The following BCL2 variants were observed in gnomAD, a reference collection of about 807,000 sequenced individuals.
BCL2 encodes BCL2 apoptosis regulator.
Under a neutral mutation model 14.2 loss-of-function variants are expected in BCL2, and 1 was observed. The observed-to-expected ratio is 0.07, with a 90% CI of 0.02 to 0.33. The LOEUF is 0.33. Among genes scored for constraint, BCL2 ranks in the 10% least tolerant of loss-of-function variants. The probability of loss-of-function intolerance (pLI) is 0.99; values close to 1 mark genes in which losing one functional copy is unlikely to be tolerated. For missense variants in BCL2, 247 were observed against 305.9 expected, an observed-to-expected ratio of 0.81 and a Z score of 1.44; for synonymous variants, 151 against 137.2, an observed-to-expected ratio of 1.10 and a Z score of -0.70.
intron 2 of BCL2, among the ~76,000 whole-genome samples, chr18:63,310,725 A>G (rs1913289489): frequency 6.6e-6 from 1 of 152,206 alleles, no homozygotes; most frequent in Non-Finnish European, 1.5e-5. Flanking sequence ...ACCCCTCTCC[A>G]TGACCATCAC....
intron 2 of BCL2, among the ~76,000 whole-genome samples, chr18:63,287,716 T>G (rs1397164739): frequency 2.0e-5 from 3 of 151,954 alleles, no homozygotes; most frequent in Admixed American, 6.6e-5. Context: ...CAAGAAGGAA[T>G]GAGAGGTTGA....
chr18:63,152,272 C>A (rs1396647351), intron 2 of BCL2, among the ~76,000 whole-genome samples: 1 of 152,212 alleles, frequency 6.6e-6, no homozygotes, highest in African/African-American at 2.4e-5. Context: ...CACCAATGTG[C>A]TGCTCTGGGA....
At chr18:63,279,312 G>T (rs1024069706) in intron 2 of BCL2, among the ~76,000 whole-genome samples, 1 of 152,194 alleles carries the variant, frequency 6.6e-6, no homozygotes, top group African/African-American at 2.4e-5. Context: ...AGGATGCATA[G>T]CCAGAAGCTG....
intron 2 of BCL2, among the ~76,000 whole-genome samples, chr18:63,155,651 C>A (rs1287779730): frequency 6.6e-6 from 1 of 152,140 alleles, no homozygotes. Context: ...GACGTTAGAG[C>A]GAGCAGGTGA....
At chr18:63,302,722 G>A (rs1299327606) in intron 2 of BCL2, 1 of 985,362 alleles carries the variant, frequency 1.0e-6, no homozygotes, top group Non-Finnish European at 1.2e-6. Context: ...GGGAAAAAGA[G>A]GTTTAGTAAG....
At chr18:63,153,672 G>C (rs946599369) in intron 2 of BCL2, among the ~76,000 whole-genome samples, 1 of 152,190 alleles carries the variant, frequency 6.6e-6, no homozygotes, top group Non-Finnish European at 1.5e-5. Flanking sequence ...CGTCAGGGCA[G>C]AGCGGCCAGC....
chr18:63,129,993 A>T (rs1914022769), intron 2 of BCL2, among the ~76,000 whole-genome samples: 2 of 152,206 alleles, frequency 1.3e-5, no homozygotes, highest in Admixed American at 1.3e-4. Flanking sequence ...AGAGACAAAA[A>T]GTGTCTCCCT....
chr18:63,155,789 G>A (rs1008013691), intron 2 of BCL2, among the ~76,000 whole-genome samples: 1 of 152,210 alleles, frequency 6.6e-6, no homozygotes, highest in Non-Finnish European at 1.5e-5. Context: ...ATCTTGCCCC[G>A]AGCTCAGGGT....
chr18:63,222,437 T>TA (rs1210678539), intron 2 of BCL2, among the ~76,000 whole-genome samples: 1 of 151,166 alleles, frequency 6.6e-6, no homozygotes, highest in Non-Finnish European at 1.5e-5. Flanking sequence ...CTTTAAATCC[T>TA]AAGAACTGGA....
chr18:63,150,566 T>C (rs1914628958), intron 2 of BCL2, among the ~76,000 whole-genome samples: 1 of 152,114 alleles, frequency 6.6e-6, no homozygotes, highest in African/African-American at 2.4e-5. Flanking sequence ...TTCTCTGGAG[T>C]GACTTTTCCC....
Position 63,318,973 on chromosome 18 carries a change from C to T in BCL2, c.-286-21G>A. On this transcript the variant is annotated intron_variant, in intron 1 of 2. Transcript: ENST00000333681. This position sits in a 1 kb window ranked among gnomAD's most constrained non-coding sequence, Gnocchi z 7.4. ...TGATGCTGAAAGGTTAAAGAAAAAA[C>T]AAACTAATAAGTAAAAAATCAGGTG... The T allele has an allele frequency of 7.9e-7, 1 of 1,273,164 alleles. No homozygotes were observed. The highest frequency in any genetic ancestry group is 1.0e-6 in the Non-Finnish European group (1 of 1,000,138). 78.9% of individuals were successfully genotyped at this position (1,273,164 alleles called of 1,614,324 possible).
chr18:63,129,583 C>A (rs529858312), intron 2 of BCL2, among the ~76,000 whole-genome samples: 1 of 152,192 alleles, frequency 6.6e-6, no homozygotes, highest in Non-Finnish European at 1.5e-5. Context: ...CCAGCTAATT[C>A]TTTGTACCAA....
chr18:63,280,335 G>A (rs189647026), intron 2 of BCL2, among the ~76,000 whole-genome samples: 2 of 152,184 alleles, frequency 1.3e-5, no homozygotes, highest in Admixed American at 1.3e-4. Context: ...TATTTCTCAG[G>A]GTTGTAAAAT....
chr18:63,311,633 G>A (rs932065529), intron 2 of BCL2, among the ~76,000 whole-genome samples: 1 of 152,106 alleles, frequency 6.6e-6, no homozygotes, highest in Non-Finnish European at 1.5e-5. Flanking sequence ...AACTAAAAAT[G>A]GAATACGCTT....
chr18:63,283,510 A>G (rs1912374207), intron 2 of BCL2, among the ~76,000 whole-genome samples: 1 of 152,164 alleles, frequency 6.6e-6, no homozygotes, highest in South Asian at 2.1e-4. Flanking sequence ...TAGCCTAAAG[A>G]TGTTTGCGTG....
chr18:63,141,152 G>A (rs1026065214), intron 2 of BCL2, among the ~76,000 whole-genome samples: 2 of 152,172 alleles, frequency 1.3e-5, no homozygotes, highest in Non-Finnish European at 2.9e-5. Flanking sequence ...CCGCCGTAGC[G>A]AACCTCTAAG....
intron 2 of BCL2, among the ~76,000 whole-genome samples, chr18:63,167,502 A>C (rs965905137): frequency 9.9e-5 from 15 of 152,206 alleles, no homozygotes; most frequent in Non-Finnish European, 1.9e-4. Context: ...GACTGGGGCC[A>C]GGTGTGATGG....
rs1055443489 is a variant in BCL2 at position 63,273,311 on chromosome 18, G to A, written c.585+44771C>T. On this transcript the variant is annotated intron_variant, in intron 2 of 2. Coordinates refer to ENST00000333681, the MANE Select transcript of BCL2 (RefSeq NM_000633.3). The stretch of plus-strand genomic sequence containing the variant: ...GGGGCTTTGCCTTGTGTCAGCCGAC[G>A]AAGAACTCCCAAGGCCGTTCTGGAT... Among the ~76,000 whole-genome samples the A allele has an allele frequency of 1.2e-4, 19 of 152,296 alleles. No individual in the cohort carries two copies. In the East Asian group the frequency reaches 3.1e-3, roughly 25 times the overall value.
In BCL2 at chr18:63,318,549, G is replaced by T; in HGVS notation, c.118C>A (p.Pro40Thr). ...ATGCCCGGTGCGGGGGCGGCCCCCG[G>T]GGGCGCGGCGCCCACATCTCCCGCA... ...WDAGDVGAAP[P>T]GAAPAPGIFS... Residue 40 changes from proline to threonine, a missense_variant, in exon 2 of 3, where the codon CCG becomes ACG. Pro to Thr is a conservative substitution (Grantham distance 38). Transcript: ENST00000333681. The surrounding 1 kb of genome is among the most constrained non-coding windows in gnomAD (Gnocchi z 7.4). 6.3e-7 allele frequency: 1 copy of T among 1,589,572 alleles called. No homozygotes were observed.
Sources: allele counts gnomAD v4.1 joint callset (sites outside exome capture counted in the v4.1 genomes callset), GRCh38; gene constraint gnomAD v4.1.1; non-coding constraint Gnocchi (gnomAD v3.1); transcripts MANE v1.5; gene names NCBI Gene and HGNC (gene_info 2026-07-23, HGNC 2026-07-21).